The following GALNT13 variants were observed in gnomAD, a reference collection of about 807,000 sequenced individuals.
The protein encoded by GALNT13 is UDP-GalNAc:polypeptide N-acetylgalactosaminyltransferase 13.
Under a neutral mutation model 64.2 loss-of-function variants are expected in GALNT13, and 28 were observed. The observed-to-expected ratio is 0.44, with a 90% confidence interval of 0.32 to 0.60. GALNT13 has a LOEUF of 0.60. Ranked by LOEUF, GALNT13 falls within the 20% of genes least tolerant of loss-of-function variation. The pLI is 0.05. For synonymous variants in GALNT13, 214 were observed against 224.6 expected, an observed-to-expected ratio of 0.95 and a Z score of 0.42; for missense variants, 577 against 669.8, an observed-to-expected ratio of 0.86 and a Z score of 1.53.
the GALNT13 span, among the ~76,000 whole-genome samples, chr2:153,299,859 C>A: frequency 6.6e-6 from 1 of 152,164 alleles, no homozygotes; most frequent in Non-Finnish European, 1.5e-5. Flanking sequence ...GCATTTCAGC[C>A]ATCTGCCCAT....
rs10673538 is a variant in GALNT13 at position 154,098,090 on chromosome 2, C to CTTTTTTT, written c.143-42237_143-42231dup. On this transcript the variant is annotated intron_variant, in intron 3 of 12. Transcript: ENST00000392825. ...TCAGTGTGTTTCTCTGCTTGTCTTT[C>CTTTTTTT]TTTTTTTTTTTTTTTTGTCAGCAGT... 6.4e-4 allele frequency among the ~76,000 whole-genome samples: 86 copies of CTTTTTTT among 134,676 alleles called. 1 individual carries two copies. The highest frequency in any genetic ancestry group is 2.2e-3 in the African/African-American group (77 of 35,668). The allele number at this position is 134,676 out of a possible 152,430, so 88.4% of individuals were successfully genotyped here. A position where few individuals can be genotyped will look rare whatever the true frequency, so the allele number is the denominator to read the frequency against.
intron 4 of GALNT13, among the ~76,000 whole-genome samples, chr2:154,196,239 A>G (rs969564002): frequency 9.9e-5 from 15 of 152,026 alleles, no homozygotes; most frequent in Admixed American, 5.9e-4. Context: ...AAAAAAAACA[A>G]CTCTCATGAA....
At chr2:153,270,921 C>T in the GALNT13 span, among the ~76,000 whole-genome samples, 1 of 152,108 alleles carries the variant, frequency 6.6e-6, no homozygotes, top group Non-Finnish European at 1.5e-5. Context: ...TTATCTACCA[C>T]AATCAAGTCA....
intron 2 of GALNT13, among the ~76,000 whole-genome samples, chr2:153,909,028 C>A (rs1439893139): frequency 1.3e-5 from 2 of 151,858 alleles, no homozygotes; most frequent in Non-Finnish European, 2.9e-5. Flanking sequence ...TCCATGAGAT[C>A]CATGAACATG....
intron 9 of GALNT13, among the ~76,000 whole-genome samples, chr2:154,387,517 C>A (rs1254933090): frequency 1.5e-5 from 2 of 136,076 alleles, no homozygotes; most frequent in Admixed American, 1.4e-4. Flanking sequence ...GCAATAGATC[C>A]CAAAACGTGT....
chr2:153,895,782 A>G (rs1242978502), intron 1 of GALNT13, among the ~76,000 whole-genome samples: 3 of 152,042 alleles, frequency 2.0e-5, no homozygotes, highest in Non-Finnish European at 4.4e-5. Context: ...TCCTAAGGAA[A>G]CAATCACGCT....
chr2:153,304,271 GC>G, the GALNT13 span, among the ~76,000 whole-genome samples: 2 of 151,858 alleles, frequency 1.3e-5, no homozygotes, highest in African/African-American at 4.8e-5. Context: ...TCACATGAGG[GC>G]AATTTGTAGA....
chr2:153,874,701 C>CT (rs1232684617), intron 1 of GALNT13, among the ~76,000 whole-genome samples: 2 of 152,042 alleles, frequency 1.3e-5, no homozygotes, highest in African/African-American at 4.8e-5. Context: ...CTCCCCGCTC[C>CT]TTTTTTGGGA....
the GALNT13 span, among the ~76,000 whole-genome samples, chr2:153,704,439 T>C: frequency 6.6e-6 from 1 of 152,226 alleles, no homozygotes; most frequent in Non-Finnish European, 1.5e-5. Flanking sequence ...ATTCTAATTT[T>C]CACTGCAAAG....
At chr2:154,317,966 C>G (rs1171707891) in intron 9 of GALNT13, among the ~76,000 whole-genome samples, 1 of 151,834 alleles carries the variant, frequency 6.6e-6, no homozygotes, top group African/African-American at 2.4e-5. Flanking sequence ...GTCATTTAGG[C>G]TTTTGCAGAC....
chr2:154,361,570 C>T (rs1215087574), intron 9 of GALNT13, among the ~76,000 whole-genome samples: 1 of 151,986 alleles, frequency 6.6e-6, no homozygotes, highest in African/African-American at 2.4e-5. Flanking sequence ...CCTCAAATCC[C>T]TCTTATATAA....
At chr2:154,391,707 ATTAT>A (rs1421905327) in intron 9 of GALNT13, among the ~76,000 whole-genome samples, 1 of 152,190 alleles carries the variant, frequency 6.6e-6, no homozygotes, top group Non-Finnish European at 1.5e-5. Context: ...TTTTCCAGGC[ATTAT>A]TTATTTAGTA....
At chr2:153,565,353 G>A in the GALNT13 span, among the ~76,000 whole-genome samples, 38 of 152,090 alleles carry the variant, frequency 2.5e-4, no homozygotes, top group South Asian at 2.1e-4. Flanking sequence ...TTCCAAATAC[G>A]TTAAAAAATG....
chr2:154,115,286 T>TTATC (rs1420866276), intron 3 of GALNT13, among the ~76,000 whole-genome samples: 31 of 152,144 alleles, frequency 2.0e-4, no homozygotes, highest in Admixed American at 5.2e-4. Flanking sequence ...TTTTTTATTT[T>TTATC]TATCTATTTT....
the GALNT13 span, among the ~76,000 whole-genome samples, chr2:153,570,712 C>T: frequency 6.6e-6 from 1 of 152,060 alleles, no homozygotes; most frequent in African/African-American, 2.4e-5. Context: ...ATTAAAGAGA[C>T]TGTCTTTTCT....
chr2:153,128,080 A>G, the GALNT13 span, among the ~76,000 whole-genome samples: 2 of 152,280 alleles, frequency 1.3e-5, no homozygotes, highest in African/African-American at 4.8e-5. Context: ...ATTTGATTCC[A>G]TGACCCTGGA....
intron 3 of GALNT13, among the ~76,000 whole-genome samples, chr2:154,129,865 T>C (rs1019315418): frequency 3.0e-4 from 46 of 152,090 alleles, no homozygotes; most frequent in African/African-American, 1.1e-3. Flanking sequence ...AACTTTCCAA[T>C]CATGTTCTTT....
chr2:153,285,534 A>T, the GALNT13 span, among the ~76,000 whole-genome samples: 2 of 152,214 alleles, frequency 1.3e-5, no homozygotes, highest in African/African-American at 4.8e-5. Context: ...GTCAGAGTAG[A>T]AGAAAAGGAT....
chr2:154,261,726 G>A (rs575377919), intron 8 of GALNT13, among the ~76,000 whole-genome samples: 1 of 152,212 alleles, frequency 6.6e-6, no homozygotes, highest in East Asian at 1.9e-4. Context: ...AGATGCGTAG[G>A]TGTTATTGTC....
Sources: gnomAD v4.1 joint callset for allele counts (sites outside exome capture counted in the v4.1 genomes callset) on GRCh38, gnomAD v4.1.1 for gene constraint, MANE v1.5 for transcripts, NCBI Gene and HGNC (gene_info 2026-07-23, HGNC 2026-07-21) for gene names.